CELF2: variants seen among roughly 807,000 people sequenced by gnomAD.
CELF2 encodes CUG triplet repeat RNA-binding protein 2.
In CELF2, 8 loss-of-function variants were observed where a neutral mutation model predicts 62.6. The ratio of observed to expected loss-of-function variants is 0.13; its 90% CI spans 0.07 to 0.23. The LOEUF is 0.23. Ranked by LOEUF, CELF2 falls within the 10% of genes least tolerant of loss-of-function variation. The pLI, the probability that CELF2 is intolerant of heterozygous loss-of-function variation, is 1.00. For synonymous variants in CELF2, 258 were observed against 250.0 expected, an observed-to-expected ratio of 1.03 and a Z score of -0.30; for missense variants, 333 against 671.0, an observed-to-expected ratio of 0.50 and a Z score of 5.56.
the CELF2 span, among the ~76,000 whole-genome samples, chr10:10,511,269 G>A: frequency 6.6e-6 from 1 of 152,034 alleles, no homozygotes; most frequent in African/African-American, 2.4e-5. Flanking sequence ...AAATTAGCTG[G>A]GCATGGTGGT....
At position 11,210,893 on chromosome 10, in the gene CELF2, A is replaced by G. The variant is rs182005272; in HGVS notation, c.272-6532A>G. On this transcript the variant is annotated intron_variant, in intron 2 of 12. Coordinates refer to ENST00000633077, the MANE Select transcript of CELF2 (RefSeq NM_001326342.2). ...TTGCATGTATGTATCACAATACCAC[A>G]TGTACCCCATAAATATGTACAAAGA... 5.3e-5 allele frequency among the ~76,000 whole-genome samples: 8 copies of G among 152,376 alleles called. No individual in the cohort carries two copies. In the East Asian group the frequency reaches 1.3e-3, roughly 26 times the overall value.
chr10:11,266,763 C>T (rs1484037679), intron 6 of CELF2, 86 bp downstream of exon 6: 3 of 1,006,354 alleles, frequency 3.0e-6, no homozygotes, highest in Non-Finnish European at 4.5e-6. Context: ...GGATTGTTCA[C>T]ATGACAATCA....
the CELF2 span, among the ~76,000 whole-genome samples, chr10:10,481,946 A>G: frequency 2.0e-5 from 3 of 152,238 alleles, no homozygotes; most frequent in Non-Finnish European, 4.4e-5. Flanking sequence ...AGTTATTTCT[A>G]GCAATGCATG....
At chr10:10,573,513 G>A in the CELF2 span, among the ~76,000 whole-genome samples, 1 of 152,114 alleles carries the variant, frequency 6.6e-6, no homozygotes, top group Admixed American at 6.6e-5. Flanking sequence ...TTTCTTTGGG[G>A]TGGTAATCTG....
intron 1 of CELF2, among the ~76,000 whole-genome samples, chr10:11,144,914 A>AAAAAAAAG (rs1564927618): frequency 6.7e-6 from 1 of 149,988 alleles, no homozygotes; most frequent in Non-Finnish European, 1.5e-5. Context: ...AAAAAAAAAA[A>AAAAAAAAG]AAAAAAAAAG....
At chr10:10,656,593 T>C in the CELF2 span, among the ~76,000 whole-genome samples, 3 of 132,064 alleles carry the variant, frequency 2.3e-5, no homozygotes, top group African/African-American at 8.5e-5. Flanking sequence ...AAATTGGAAA[T>C]CATCATTCTC....
the CELF2 span, among the ~76,000 whole-genome samples, chr10:10,766,546 A>G: frequency 1.3e-5 from 2 of 152,174 alleles, no homozygotes; most frequent in Admixed American, 6.5e-5. Flanking sequence ...ACCCTGGGGA[A>G]TGGAGCCAGG....
rs1269970444 is a variant in CELF2, at chr10:11,297,246, TC to T, written c.976+8696del. ...AGCTCAAGTGCACATGAACGGACAT[TC>T]CGTGAAATGTGTCCAGCAGCAGTTG... On this transcript the variant is annotated intron_variant, in intron 9 of 12. Coordinates refer to ENST00000633077, the MANE Select transcript of CELF2 (RefSeq NM_001326342.2). This position sits in a 1 kb window ranked among gnomAD's most constrained non-coding sequence, Gnocchi z 4.4. Among the ~76,000 whole-genome samples the T allele has an allele frequency of 1.3e-5, 2 of 152,092 alleles. No homozygotes were observed. Among genetic ancestry groups the T allele is most frequent in the Non-Finnish European group, 2.9e-5 (2 of 68,016 alleles).
At chr10:11,025,717 C>T (rs2059091573) in intron 1 of CELF2, among the ~76,000 whole-genome samples, 1 of 152,224 alleles carries the variant, frequency 6.6e-6, no homozygotes, top group Non-Finnish European at 1.5e-5. Flanking sequence ...CAAAAGTGAT[C>T]ATACTTGTGT....
At chr10:10,650,911 C>T in the CELF2 span, among the ~76,000 whole-genome samples, 5 of 152,070 alleles carry the variant, frequency 3.3e-5, no homozygotes, top group Admixed American at 3.3e-4. Flanking sequence ...CAGCTCCCAG[C>T]GTGAGCGACG....
the CELF2 span, among the ~76,000 whole-genome samples, chr10:10,537,891 C>T: frequency 2.0e-5 from 3 of 152,172 alleles, no homozygotes; most frequent in African/African-American, 7.2e-5. Flanking sequence ...AGGCTTGGAG[C>T]CATTTGGGCA....
the CELF2 span, among the ~76,000 whole-genome samples, chr10:10,485,206 A>T: frequency 6.6e-6 from 1 of 152,208 alleles, no homozygotes; most frequent in Non-Finnish European, 1.5e-5. Context: ...TCATGTTGTT[A>T]CAGTATAATC....
At chr10:10,862,088 T>C (rs561388675) in intron 1 of CELF2, among the ~76,000 whole-genome samples, 3 of 152,314 alleles carry the variant, frequency 2.0e-5, no homozygotes, top group East Asian at 3.9e-4. Flanking sequence ...GAAATATTAA[T>C]GTATCATTTG....
chr10:10,732,798 A>G, the CELF2 span, among the ~76,000 whole-genome samples: 1 of 152,168 alleles, frequency 6.6e-6, no homozygotes, highest in African/African-American at 2.4e-5. Context: ...TGCTGGGATT[A>G]CAGGCGTGAG....
the CELF2 span, among the ~76,000 whole-genome samples, chr10:10,608,145 C>CAAAA: frequency 6.6e-6 from 1 of 151,882 alleles, no homozygotes; most frequent in South Asian, 2.1e-4. Context: ...AACAAACAAA[C>CAAAA]AAACAAACAA....
At chr10:10,973,455 C>T (rs1015295478) in intron 2 of CELF2, among the ~76,000 whole-genome samples, 1 of 152,160 alleles carries the variant, frequency 6.6e-6, no homozygotes, top group Non-Finnish European at 1.5e-5. Context: ...CACGCCCACC[C>T]ATGCCAGGTT....
intron 9 of CELF2, among the ~76,000 whole-genome samples, chr10:11,299,212 C>T (rs1246131331): frequency 6.6e-6 from 1 of 152,258 alleles, no homozygotes; most frequent in African/African-American, 2.4e-5. Flanking sequence ...AGGCCTGAGG[C>T]CCCTGGGGAG....
chr10:11,276,611 G>A (rs767999718), intron 8 of CELF2, among the ~76,000 whole-genome samples: 10 of 152,156 alleles, frequency 6.6e-5, no homozygotes, highest in Non-Finnish European at 1.5e-4. Context: ...TTCAGCCCAC[G>A]GGAGATTTGC....
At chr10:11,005,268 G>GAA, upstream of CELF2, 1 of 1,556,082 alleles carries the variant, frequency 6.4e-7, no homozygotes, top group Non-Finnish European at 8.7e-7. The surrounding 1 kb of genome is among the most constrained non-coding windows in gnomAD (Gnocchi z 4.3). Flanking sequence ...GAGAGAGAGA[G>GAA]AGAGAGAGAG....
Sources: gnomAD v4.1 joint callset for allele counts (sites outside exome capture counted in the v4.1 genomes callset) on GRCh38, gnomAD v4.1.1 for gene constraint, Gnocchi (gnomAD v3.1) non-coding constraint, MANE v1.5 for transcripts, NCBI Gene and HGNC (gene_info 2026-07-23, HGNC 2026-07-21) for gene names.